HBS1L: variants seen among roughly 807,000 people sequenced by gnomAD.
The protein encoded by HBS1L is HBS1 like translational GTPase.
HBS1L carries 55 observed loss-of-function variants against 88.9 expected under a neutral mutation model. The ratio of observed to expected loss-of-function variants is 0.62; its 90% CI spans 0.50 to 0.77. The LOEUF is 0.77. Ranked by LOEUF, HBS1L falls within the 30% of genes least tolerant of loss-of-function variation. The pLI, the probability that HBS1L is intolerant of heterozygous loss-of-function variation, is 0.00. For synonymous variants in HBS1L, 267 were observed against 288.5 expected (o/e 0.93, Z 0.76); for missense variants, 741 against 829.3 (o/e 0.89, Z 1.31).
intron 4 of HBS1L, among the ~76,000 whole-genome samples, chr6:135,020,255 G>A (rs917937614): frequency 1.3e-5 from 2 of 151,418 alleles, no homozygotes; most frequent in African/African-American, 4.8e-5. Context: ...TGCTCCTTAA[G>A]TGGTAATAAA....
Position 135,054,763 on chromosome 6 carries a change from G to A in HBS1L, c.-72C>T, listed in dbSNP as rs1199410865. ...CACTCCGCTTAGATACTGATAAGGC[G>A]CCAACTGCAGCCTGGAGAACCCCTA... On this transcript the variant is annotated 5_prime_UTR_variant, in exon 1 of 18. Coordinates refer to ENST00000367837, the MANE Select transcript of HBS1L (RefSeq NM_006620.4). 4 of 1,559,980 alleles carry A rather than the reference G, an allele frequency of 2.6e-6. No individual in the cohort carries two copies. Among genetic ancestry groups the A allele is most frequent in the Admixed American group, 3.4e-5 (2 of 58,096 alleles).
At chr6:134,971,193 C>A (rs1385262840) in intron 15 of HBS1L, among the ~76,000 whole-genome samples, 3 of 151,350 alleles carry the variant, frequency 2.0e-5, no homozygotes, top group East Asian at 1.9e-4. Context: ...GGAGTCAGAA[C>A]TGGAAAGATT....
rs1376569607 is a variant in HBS1L, at chr6:135,039,742, G to A, written c.261C>T (p.His87=). The part of the protein sequence containing the change: ...DQARLYSCLD[H]MREVLGDAVP... Reference sequence around the variant, plus strand: ...CAGCATCTCCAAGTACCTCTCTCATGTGATCAAGGCATGAATAAAGACGAG... The same window carrying A: ...CAGCATCTCCAAGTACCTCTCTCATATGATCAAGGCATGAATAAAGACGAG... The change falls in exon 4 of 18, where the codon CAC becomes CAT. Residue 87 remains histidine, a synonymous_variant. Coordinates refer to ENST00000367837, the MANE Select transcript of HBS1L (RefSeq NM_006620.4). The A allele has an allele frequency of 6.2e-7, 1 of 1,613,502 alleles. No individual in the cohort carries two copies. Among genetic ancestry groups the A allele is most frequent in the Admixed American group, 1.7e-5 (1 of 59,950 alleles).
chr6:134,975,726 G>T (rs772626282), intron 15 of HBS1L, among the ~76,000 whole-genome samples: 2 of 151,998 alleles, frequency 1.3e-5, no homozygotes, highest in Non-Finnish European at 1.5e-5. Flanking sequence ...ATGGAAGAAC[G>T]AAAACTGGAT....
At chr6:134,980,813 T>G (rs1401087115) in intron 13 of HBS1L, among the ~76,000 whole-genome samples, 1 of 151,944 alleles carries the variant, frequency 6.6e-6, no homozygotes, top group African/African-American at 2.4e-5. Flanking sequence ...CAGTCAAGTC[T>G]TTCTTTTGGG....
At chr6:135,036,297 G>A (rs1479641236) in intron 4 of HBS1L, 1 of 1,045,946 alleles carries the variant, frequency 9.6e-7, no homozygotes, top group East Asian at 6.8e-5. Context: ...TATGAGGTCT[G>A]ATTTCACAAC....
intron 9 of HBS1L, 100 bp downstream of exon 9, chr6:134,987,545 G>A (rs1331316547): frequency 7.7e-6 from 6 of 778,526 alleles, no homozygotes; most frequent in Admixed American, 6.2e-5. Flanking sequence ...CATGGCAACC[G>A]ACTAATAAAA....
chr6:134,982,268 A>G, intron 13 of HBS1L, 190 bp downstream of exon 13: 1 of 556,258 alleles, frequency 1.8e-6, no homozygotes, highest in East Asian at 3.0e-5. Context: ...ATATATACAG[A>G]CACAATCACA....
intron 13 of HBS1L, among the ~76,000 whole-genome samples, chr6:134,979,947 T>C (rs768684392): frequency 2.6e-5 from 4 of 152,060 alleles, no homozygotes; most frequent in Non-Finnish European, 5.9e-5. Context: ...TCTAGAGATA[T>C]ACATCTATTT....
At chr6:134,976,271 T>A (rs976100542) in intron 15 of HBS1L, among the ~76,000 whole-genome samples, 1 of 152,072 alleles carries the variant, frequency 6.6e-6, no homozygotes, top group African/African-American at 2.4e-5. Context: ...TGTTGCCCTG[T>A]ATGCGATGAA....
chr6:134,977,958 A>G (rs1314470516), intron 15 of HBS1L, among the ~76,000 whole-genome samples: 3 of 152,042 alleles, frequency 2.0e-5, no homozygotes. Flanking sequence ...TTTCAGGATA[A>G]GTAACATTAT....
chr6:135,018,868 G>A (rs1189248012), intron 4 of HBS1L, among the ~76,000 whole-genome samples: 1 of 151,772 alleles, frequency 6.6e-6, no homozygotes, highest in African/African-American at 2.4e-5. Flanking sequence ...CTCTCTCTGA[G>A]AGATCTCATT....
rs551237139 is a variant in HBS1L at position 134,970,112 on chromosome 6, T to C, written c.1798-774A>G. ...AGACCTGGGTTCAAGTCACCTCTAG[T>C]TGTGTGAACTTTGGGGCAAGTTATT... On this transcript the variant is annotated intron_variant, in intron 15 of 17. Transcript: ENST00000367837. Among the ~76,000 whole-genome samples, 8 of 152,234 alleles carry C rather than the reference T, an allele frequency of 5.3e-5. No individual in the cohort carries two copies. The East Asian group carries it at 1.5e-3, about 29-fold the overall frequency.
In HBS1L at chr6:135,036,671, C is replaced by T. The variant is rs1237020614; in HGVS notation, c.430+2902G>A. The T allele has an allele frequency of 5.2e-6, 8 of 1,551,154 alleles. No homozygotes were observed. In the African/African-American group the frequency reaches 8.2e-5, roughly 16 times the overall value. ...AGTGGACTTATTTCTTTGTCCTTTACATCTTGAACTTGTCTACTATAAAGA... is the reference window on the plus strand; with the variant it reads ...AGTGGACTTATTTCTTTGTCCTTTATATCTTGAACTTGTCTACTATAAAGA... On this transcript the variant is annotated intron_variant, in intron 4 of 17. Coordinates refer to ENST00000367837, the MANE Select transcript of HBS1L (RefSeq NM_006620.4).
At chr6:135,019,427 G>T (rs1776011215) in intron 4 of HBS1L, among the ~76,000 whole-genome samples, 1 of 151,848 alleles carries the variant, frequency 6.6e-6, no homozygotes. Context: ...AACTTCAAGG[G>T]TTCTAGAATC....
At position 134,969,249 on chromosome 6, in the gene HBS1L, C is replaced by A. The variant is rs1298324602; in HGVS notation, c.1887G>T (p.Lys629Asn). ...ATTAAAACACTCACTTAGGCTTTTT[C>A]TTTGTGACTTCACCCGTGCTTTTGT... ...VLNKSTGEVT[K>N]KKPKFLTKGQ... Residue 629 changes from lysine (K) to asparagine (N), a missense_variant, in exon 16 of 18, where the codon AAG becomes AAT. This residue lies in a region of HBS1L where 181 missense variants were observed against 212.7 expected (regional missense o/e 0.85). Coordinates refer to ENST00000367837, the MANE Select transcript of HBS1L (RefSeq NM_006620.4). 5 of 1,609,898 alleles carry A rather than the reference C, an allele frequency of 3.1e-6. No individual in the cohort carries two copies. Among genetic ancestry groups the A allele is most frequent in the Non-Finnish European group, 4.2e-6 (5 of 1,176,626 alleles).
At chr6:135,010,390 A>T (rs985986469) in intron 4 of HBS1L, among the ~76,000 whole-genome samples, 14 of 152,324 alleles carry the variant, frequency 9.2e-5, no homozygotes, top group Admixed American at 3.9e-4. Context: ...TTTATTCTAT[A>T]AAATTATTTT....
intron 4 of HBS1L, chr6:135,027,248 G>C (rs893894917): frequency 2.2e-5 from 3 of 139,246 alleles, no homozygotes; most frequent in African/African-American, 7.9e-5. Flanking sequence ...GAAAAGTATT[G>C]TATTTTGTAT....
Position 134,993,787 on chromosome 6 carries a change from T to C in HBS1L, c.1054A>G (p.Ile352Val), listed in dbSNP as rs1775212173. 3 of 1,595,536 alleles carry C rather than the reference T, an allele frequency of 1.9e-6. No homozygotes were observed. The highest frequency in any genetic ancestry group is 1.1e-5 in the South Asian group (1 of 88,150). ...GCTGCTCCTGTAATCATATTTGGAA[T>C]GAAGTCCTTATGGCCTGGAGCATCC... ...LMDAPGHKDF[I>V]PNMITGAAQA... The change falls in exon 8 of 18, where the codon ATT (isoleucine) becomes GTT (valine). Residue 352 changes from isoleucine (I) to valine (V), a missense_variant. Ile to Val is a conservative substitution (Grantham distance 29). Around this residue, in one of 3 missense-constraint regions of HBS1L, gnomAD observed 556 missense variants for 598.4 expected, o/e 0.93. Transcript: ENST00000367837.
Sources: allele counts gnomAD v4.1 joint callset (sites outside exome capture counted in the v4.1 genomes callset), GRCh38; gene constraint gnomAD v4.1.1; regional missense constraint gnomAD v4.1.1; transcripts MANE v1.5; gene names NCBI Gene and HGNC (gene_info 2026-07-23, HGNC 2026-07-21).